Variants in DPYSL3 observed in about 807,000 individuals in gnomAD.
DPYSL3 encodes dihydropyrimidinase like 3.
DPYSL3 carries 16 observed loss-of-function variants against 66.1 expected under a neutral mutation model. The observed-to-expected ratio is 0.24, with a 90% CI of 0.16 to 0.37. The LOEUF (loss-of-function observed/expected upper bound fraction) is 0.37, where lower values mean the gene tolerates loss of function less well. Ranked by LOEUF, DPYSL3 falls within the 10% of genes least tolerant of loss-of-function variation. The pLI is 1.00. For missense variants in DPYSL3, 738 were observed against 916.2 expected (o/e 0.81, Z 2.51); for synonymous variants, 338 against 345.1 (o/e 0.98, Z 0.23).
intron 1 of DPYSL3, among the ~76,000 whole-genome samples, chr5:147,435,488 T>A (rs569831955): frequency 1.5e-4 from 23 of 152,290 alleles, no homozygotes; most frequent in African/African-American, 5.3e-4. Flanking sequence ...AAGAAATGCA[T>A]CTCTATAAGA....
chr5:147,401,553 A>C lies in DPYSL3; in HGVS notation c.1297T>G (p.Ser433Ala), dbSNP rs941054021. The stretch of plus-strand genomic sequence containing the variant: ...TCCTGCACCAACCTGGCCAGCAAGG[A>C]GTTGATGTAGTCCGGAGTAGTTGGG... ...PDPTTPDYINSLLASGDLQLS... is the reference protein window; with the variant it reads ...PDPTTPDYINALLASGDLQLS... The change falls in exon 9 of 14, where the codon TCC becomes GCC. Residue 433 changes from serine (S) to alanine (A), a missense_variant. Coordinates refer to ENST00000343218, the MANE Select transcript of DPYSL3 (RefSeq NM_001197294.2). 5 of 1,612,702 alleles carry C rather than the reference A, an allele frequency of 3.1e-6. No homozygotes were observed. Among genetic ancestry groups the C allele is most frequent in the Non-Finnish European group, 4.2e-6 (5 of 1,179,570 alleles).
chr5:147,475,316 A>G (rs1364101122), intron 1 of DPYSL3, among the ~76,000 whole-genome samples: 3 of 152,126 alleles, frequency 2.0e-5, no homozygotes, highest in Non-Finnish European at 4.4e-5. Flanking sequence ...AGATGTGACC[A>G]TTGGCAAAAG....
At chr5:147,500,529 A>G (rs151197436) in intron 1 of DPYSL3, among the ~76,000 whole-genome samples, 1,766 of 151,288 alleles carry the variant, frequency 0.012, 51 homozygotes, top group African/African-American at 0.041. Context: ...CAGGAGAATC[A>G]CTTGAACCTG....
chr5:147,459,706 CAG>C (rs753823451), intron 1 of DPYSL3, among the ~76,000 whole-genome samples: 1 of 152,196 alleles, frequency 6.6e-6, no homozygotes, highest in African/African-American at 2.4e-5. Flanking sequence ...TCTCTCTAGA[CAG>C]AGTTTCTCAT....
At position 147,412,636 on chromosome 5, in the gene DPYSL3, T is replaced by A; in HGVS notation, c.935A>T (p.His312Leu). 6.2e-7 allele frequency: 1 copy of A among 1,613,106 alleles called. No homozygotes were observed. Among genetic ancestry groups the A allele is most frequent in the Non-Finnish European group, 8.5e-7 (1 of 1,179,618 alleles). Residue 312 changes from histidine to leucine, a missense_variant, in exon 6 of 14, where the codon CAT becomes CTT. Coordinates refer to ENST00000343218, the MANE Select transcript of DPYSL3 (RefSeq NM_001197294.2). ...GGCAATGATATCCCCATTCTCAGCA[T>A]GAACTTGAGCAATGGCCCCCAGCTC... ...LGELGAIAQV[H>L]AENGDIIAQE...
intron 8 of DPYSL3, among the ~76,000 whole-genome samples, chr5:147,402,777 A>G (rs1758231013): frequency 6.6e-6 from 1 of 151,978 alleles, no homozygotes; most frequent in African/African-American, 2.4e-5. Context: ...AGGCCTAACT[A>G]CCCAAACCAT....
chr5:147,492,495 T>C (rs1753430348), intron 1 of DPYSL3, among the ~76,000 whole-genome samples: 1 of 152,222 alleles, frequency 6.6e-6, no homozygotes, highest in Non-Finnish European at 1.5e-5. Context: ...TTCTGTATAA[T>C]TGAAATAAAT....
chr5:147,474,735 A>G (rs1753133090), intron 1 of DPYSL3, among the ~76,000 whole-genome samples: 1 of 152,096 alleles, frequency 6.6e-6, no homozygotes, highest in African/African-American at 2.4e-5. Context: ...TTTTTGTAAT[A>G]TAATTAGATC....
chr5:147,396,763 AGGCCCAAACTGGAGTGTG>A (rs1757987233), intron 12 of DPYSL3, among the ~76,000 whole-genome samples: 1 of 152,010 alleles, frequency 6.6e-6, no homozygotes, highest in South Asian at 2.1e-4. Context: ...CTTCTCTATT[AGGCCCAAACTGGAGTGTG>A]GAGCTCAAAT....
chr5:147,429,034 C>T (rs1235975738), intron 1 of DPYSL3, among the ~76,000 whole-genome samples: 1 of 152,108 alleles, frequency 6.6e-6, no homozygotes, highest in African/African-American at 2.4e-5. Context: ...TTCCTGGCAG[C>T]CAAGACTGCC....
intron 1 of DPYSL3, among the ~76,000 whole-genome samples, chr5:147,432,491 G>C (rs1561786056): frequency 6.6e-6 from 1 of 152,204 alleles, no homozygotes; most frequent in Non-Finnish European, 1.5e-5. Context: ...CAGTGGATGG[G>C]GGAATGGACT....
chr5:147,474,506 A>G (rs767462667), intron 1 of DPYSL3, among the ~76,000 whole-genome samples: 6 of 152,098 alleles, frequency 3.9e-5, no homozygotes, highest in Non-Finnish European at 8.8e-5. Context: ...TGACAAGCTA[A>G]TTAGTGAATG....
chr5:147,482,612 C>T (rs1307534855), intron 1 of DPYSL3, among the ~76,000 whole-genome samples: 1 of 152,164 alleles, frequency 6.6e-6, no homozygotes, highest in African/African-American at 2.4e-5. Flanking sequence ...TCCTCAGAGG[C>T]CACCAAGGGG....
chr5:147,499,769 A>G (rs777269625), intron 1 of DPYSL3, among the ~76,000 whole-genome samples: 20 of 152,294 alleles, frequency 1.3e-4, no homozygotes, highest in Middle Eastern at 3.4e-3. Flanking sequence ...AAATAACAAA[A>G]TCAGAGGACT....
intron 5 of DPYSL3, among the ~76,000 whole-genome samples, chr5:147,412,992 T>C (rs1751888060): frequency 6.6e-6 from 1 of 152,178 alleles, no homozygotes; most frequent in African/African-American, 2.4e-5. Context: ...TATTTTCCCA[T>C]TGAGCTGAGA....
intron 1 of DPYSL3, among the ~76,000 whole-genome samples, chr5:147,434,361 C>G (rs1425849475): frequency 2.0e-5 from 3 of 152,078 alleles, no homozygotes; most frequent in African/African-American, 7.2e-5. Flanking sequence ...CCTTTTTAGG[C>G]CTCAAATACA....
At chr5:147,437,892 G>A (rs1752443334) in intron 1 of DPYSL3, among the ~76,000 whole-genome samples, 1 of 152,204 alleles carries the variant, frequency 6.6e-6, no homozygotes, top group Non-Finnish European at 1.5e-5. Flanking sequence ...TCCTTTAGAA[G>A]CTAGAATCTC....
intron 1 of DPYSL3, among the ~76,000 whole-genome samples, chr5:147,504,065 A>T (rs1753651841): frequency 6.6e-6 from 1 of 152,224 alleles, no homozygotes; most frequent in Non-Finnish European, 1.5e-5. Flanking sequence ...CACAGATTGC[A>T]TCCTCCTCAG....
chr5:147,500,943 C>T lies in DPYSL3; in HGVS notation c.381+8535G>A, dbSNP rs958989349. Among the ~76,000 whole-genome samples the T allele has an allele frequency of 7.9e-5, 12 of 152,284 alleles. No homozygotes were observed. In the East Asian group the frequency reaches 1.9e-3, roughly 24 times the overall value. On this transcript the variant is annotated intron_variant, in intron 1 of 13. Coordinates refer to ENST00000343218, the MANE Select transcript of DPYSL3 (RefSeq NM_001197294.2). Reference sequence around the variant, plus strand: ...GAAAACTAAATGTGCTCTCACCATGCGATCCAGCAACAGTGCTCCTTGGTA... The same window carrying T: ...GAAAACTAAATGTGCTCTCACCATGTGATCCAGCAACAGTGCTCCTTGGTA...
Sources: allele counts gnomAD v4.1 joint callset (sites outside exome capture counted in the v4.1 genomes callset), GRCh38; gene constraint gnomAD v4.1.1; transcripts MANE v1.5; gene names NCBI Gene and HGNC (gene_info 2026-07-23, HGNC 2026-07-21).